Variants in ZNF536 observed in about 807,000 individuals in gnomAD.
ZNF536 encodes zinc finger protein 536.
In ZNF536, 13 loss-of-function variants were observed where a neutral mutation model predicts 84.5. The observed-to-expected ratio is 0.15, with a 90% CI of 0.10 to 0.24. The LOEUF is 0.24. Ranked by LOEUF, ZNF536 falls within the 10% of genes least tolerant of loss-of-function variation. The pLI, the probability that ZNF536 is intolerant of heterozygous loss-of-function variation, is 1.00. For missense variants in ZNF536, 1,536 were observed against 1,747.5 expected (o/e 0.88, Z 2.16); for synonymous variants, 811 against 742.5 (o/e 1.09, Z -1.50).
intron 2 of ZNF536, among the ~76,000 whole-genome samples, chr19:30,329,796 G>C (rs1391866130): frequency 6.6e-6 from 1 of 152,122 alleles, no homozygotes; most frequent in Non-Finnish European, 1.5e-5. Flanking sequence ...TGACAGGATA[G>C]TTTGCTCTGG....
intron 2 of ZNF536, among the ~76,000 whole-genome samples, chr19:30,345,463 C>G (rs1162882121): frequency 6.6e-6 from 1 of 152,234 alleles, no homozygotes; most frequent in Admixed American, 6.5e-5. Context: ...TGGTCAGTTT[C>G]AAGAAGTGTC....
intron 1 of ZNF536, among the ~76,000 whole-genome samples, chr19:30,398,913 A>G (rs1369462562): frequency 2.0e-5 from 3 of 152,152 alleles, no homozygotes; most frequent in Non-Finnish European, 4.4e-5. Context: ...ATGATTTATA[A>G]TCCTTTGGGT....
rs760655959 is a variant in ZNF536 at position 30,548,443 on chromosome 19, G to A, written c.2824G>A (p.Ala942Thr). The A allele has an allele frequency of 1.2e-6, 2 of 1,614,164 alleles. No individual in the cohort carries two copies. Among genetic ancestry groups the A allele is most frequent in the Non-Finnish European group, 1.7e-6 (2 of 1,180,032 alleles). Residue 942 changes from alanine to threonine, a missense_variant, in exon 4 of 5, where the codon GCT becomes ACT. Physicochemically the swap from Ala to Thr is moderately conservative, Grantham distance 58. Coordinates refer to ENST00000355537, the MANE Select transcript of ZNF536 (RefSeq NM_014717.3). ...KEKDMKDKAL[A>T]DPPSMKVHGV... The stretch of plus-strand genomic sequence containing the variant: ...GAAGGACATGAAGGACAAAGCCCTG[G>A]CTGACCCCCCTTCCATGAAAGTCCA...
At position 30,288,777 on chromosome 19, in the gene ZNF536, G is replaced by A. The variant is rs575229024; in HGVS notation, c.-120+4636G>A. Among the ~76,000 whole-genome samples, 109 of 152,250 alleles carry A rather than the reference G, an allele frequency of 7.2e-4. 2 individuals are homozygous for A. The highest frequency in any genetic ancestry group is 3.1e-3 in the South Asian group (15 of 4,824). On this transcript the variant is annotated intron_variant, in intron 2 of 5. Transcript: ENST00000585628. ...TGTGATGCACTTAAAACACTGCCTG[G>A]TTCAAAGTAGGCATTTAGTACAAGC... is the stretch of plus-strand genomic sequence containing the variant.
chr19:30,404,945 A>G (rs2050205691), intron 1 of ZNF536, among the ~76,000 whole-genome samples: 1 of 152,118 alleles, frequency 6.6e-6, no homozygotes, highest in African/African-American at 2.4e-5. Flanking sequence ...GGTCCTATTA[A>G]TTTGCCGGAG....
intron 1 of ZNF536, among the ~76,000 whole-genome samples, chr19:30,678,389 C>T (rs894096612): frequency 2.8e-4 from 42 of 152,100 alleles, no homozygotes; most frequent in Admixed American, 6.6e-4. Context: ...CTCCAGGAGC[C>T]GAGTGCAGAG....
chr19:30,425,329 G>A (rs1013674952), intron 1 of ZNF536, among the ~76,000 whole-genome samples: 3 of 152,102 alleles, frequency 2.0e-5, no homozygotes, highest in Admixed American at 6.5e-5. Context: ...GGGCCCCAGG[G>A]GGTGTCTGGA....
chr19:30,578,463 C>T (rs542286210), intron 1 of ZNF536, among the ~76,000 whole-genome samples: 1 of 152,192 alleles, frequency 6.6e-6, no homozygotes, highest in South Asian at 2.1e-4. Context: ...AGTTCTTTTT[C>T]GGTTGTCATG....
intron 2 of ZNF536, among the ~76,000 whole-genome samples, chr19:30,339,321 G>A (rs1449312450): frequency 6.6e-6 from 1 of 152,218 alleles, no homozygotes; most frequent in Non-Finnish European, 1.5e-5. Flanking sequence ...CTGGGTCTAA[G>A]TTGGGTCCTT....
chr19:30,477,832 T>G (rs1284214040), intron 2 of ZNF536, among the ~76,000 whole-genome samples: 3 of 152,210 alleles, frequency 2.0e-5, no homozygotes, highest in Non-Finnish European at 2.9e-5. Context: ...CCTGATTCTT[T>G]CCTTCATCTC....
chr19:30,560,133 G>T (rs373239292), downstream of ZNF536, among the ~76,000 whole-genome samples: 1 of 152,036 alleles, frequency 6.6e-6, no homozygotes, highest in African/African-American at 2.4e-5. Context: ...TCTGCCTGCC[G>T]GGGAGCTGGG....
intron 2 of ZNF536, among the ~76,000 whole-genome samples, chr19:30,522,279 A>G (rs988248523): frequency 1.4e-5 from 2 of 138,440 alleles, no homozygotes; most frequent in African/African-American, 5.4e-5. Flanking sequence ...ATATACATAT[A>G]TATAATATAT....
At chr19:30,684,195 T>C (rs960049566) in intron 1 of ZNF536, among the ~76,000 whole-genome samples, 1 of 152,058 alleles carries the variant, frequency 6.6e-6, no homozygotes, top group Admixed American at 6.6e-5. Context: ...AGTGCAATGG[T>C]ACAATCTCGG....
At chr19:30,493,432 C>T (rs573997963) in intron 2 of ZNF536, among the ~76,000 whole-genome samples, 11 of 152,262 alleles carry the variant, frequency 7.2e-5, no homozygotes, top group Admixed American at 2.0e-4. Flanking sequence ...ATATGCAACA[C>T]TAATTTACTT....
At chr19:30,364,829 A>G (rs992520357) in intron 3 of ZNF536, among the ~76,000 whole-genome samples, 1 of 152,190 alleles carries the variant, frequency 6.6e-6, no homozygotes, top group South Asian at 2.1e-4. Flanking sequence ...TTTCATATGT[A>G]TACAAAAGAG....
intron 1 of ZNF536, among the ~76,000 whole-genome samples, chr19:30,263,219 T>C (rs574682024): frequency 1.3e-5 from 2 of 152,294 alleles, no homozygotes; most frequent in East Asian, 3.9e-4. Context: ...TAAACTGAAC[T>C]GAATGGGACT....
chr19:30,275,183 G>A (rs2026061708), intron 1 of ZNF536, among the ~76,000 whole-genome samples: 1 of 152,132 alleles, frequency 6.6e-6, no homozygotes, highest in African/African-American at 2.4e-5. Flanking sequence ...TGGGGGAGCT[G>A]GAGGACTCCA....
upstream of ZNF536, among the ~76,000 whole-genome samples, chr19:30,226,654 C>A (rs2044462311): frequency 6.6e-6 from 1 of 152,066 alleles, no homozygotes; most frequent in South Asian, 2.1e-4. The surrounding 1 kb of genome is among the most constrained non-coding windows in gnomAD (Gnocchi z 4.6). Flanking sequence ...GCCTGGGGGC[C>A]CAGCCGGGGG....
chr19:30,342,897 C>T (rs547374719), intron 2 of ZNF536, among the ~76,000 whole-genome samples: 3 of 152,304 alleles, frequency 2.0e-5, no homozygotes, highest in East Asian at 1.9e-4. Flanking sequence ...CTAATAAAGG[C>T]GGTAGAGAGG....
Sources: allele counts gnomAD v4.1 joint callset (sites outside exome capture counted in the v4.1 genomes callset), GRCh38; gene constraint gnomAD v4.1.1; non-coding constraint Gnocchi (gnomAD v3.1); transcripts MANE v1.5; gene names NCBI Gene and HGNC (gene_info 2026-07-23, HGNC 2026-07-21).